CIT: variants seen among roughly 807,000 people sequenced by gnomAD.
CIT encodes the protein citron rho-interacting serine/threonine kinase, also known as citron Rho-interacting kinase.
Under a neutral mutation model 272.7 loss-of-function variants are expected in CIT, and 79 were observed. The observed-to-expected ratio is 0.29, with a 90% CI of 0.24 to 0.35. The LOEUF (loss-of-function observed/expected upper bound fraction) is 0.35. CIT is among the 10% of genes least tolerant of loss of function. The pLI, the probability that CIT is intolerant of heterozygous loss-of-function variation, is 1.00. For synonymous variants in CIT, 948 were observed against 995.6 expected, an observed-to-expected ratio of 0.95 and a Z score of 0.90; for missense variants, 1,909 against 2,618.3, an observed-to-expected ratio of 0.73 and a Z score of 5.91.
Position 119,824,038 on chromosome 12 carries a change from CAAAAA to C in CIT, c.958-1070_958-1066del, listed in dbSNP as rs33990395. Among the ~76,000 whole-genome samples the C allele has an allele frequency of 2.4e-4, 12 of 50,700 alleles. No individual in the cohort carries two copies. The South Asian group carries it at 6.1e-3, about 26-fold the overall frequency. The allele number at this position is 50,700 out of a possible 152,430, so 33.3% of individuals were successfully genotyped here. On this transcript the variant is annotated intron_variant, in intron 8 of 47. Transcript: ENST00000392521. Reference sequence around the variant, plus strand: ...TGGGTAACAGAGCAAGACTCCATCTCAAAAAAAAAAAAAAAAAAAAAATAGGCTTA... The same window carrying C: ...TGGGTAACAGAGCAAGACTCCATCTCAAAAAAAAAAAAAAAAATAGGCTTA...
intron 7 of CIT, among the ~76,000 whole-genome samples, chr12:119,829,193 C>T (rs1165458800): frequency 6.6e-6 from 1 of 152,020 alleles, no homozygotes; most frequent in Non-Finnish European, 1.5e-5. Flanking sequence ...CAAAAATTAG[C>T]CAGGCATGGT....
chr12:119,869,252 G>A (rs753845756), intron 2 of CIT, 51 bp from the exon 3 acceptor site: 1 of 1,548,572 alleles, frequency 6.5e-7, no homozygotes, highest in African/African-American at 1.4e-5. Context: ...GAAAAGCTTT[G>A]ATCAATAACA....
At chr12:119,818,986 T>G (rs944003197) in intron 9 of CIT, among the ~76,000 whole-genome samples, 3 of 151,868 alleles carry the variant, frequency 2.0e-5, no homozygotes, top group African/African-American at 7.3e-5. Flanking sequence ...CCCAAAGGCA[T>G]GAAAGAGGAG....
chr12:119,776,203 G>C lies in CIT; in HGVS notation c.1887+155C>G, dbSNP rs192727133. Among the ~76,000 whole-genome samples, 15 of 152,214 alleles carry C rather than the reference G, an allele frequency of 9.9e-5. No homozygotes were observed. The East Asian group carries it at 2.9e-3, about 29-fold the overall frequency. On this transcript the variant is annotated intron_variant, in intron 15 of 47. Coordinates refer to ENST00000392521, the MANE Select transcript of CIT (RefSeq NM_001206999.2). Reference sequence around the variant, plus strand: ...CTTTTAGAGCCATAAAGTCATATGTGGTCACCCAAAGGTGGACTATCAAAA... The same window carrying C: ...CTTTTAGAGCCATAAAGTCATATGTCGTCACCCAAAGGTGGACTATCAAAA...
chr12:119,800,693 C>T (rs12302281), intron 10 of CIT, among the ~76,000 whole-genome samples: 55,999 of 151,978 alleles, frequency 0.37, 11,453 homozygotes, highest in Admixed American at 0.51. Context: ...ATGCTGAAAA[C>T]GGTGAGAAAA....
rs148873316 is a variant in CIT, at chr12:119,863,041, A to G, written c.239-5343T>C. On this transcript the variant is annotated intron_variant, in intron 3 of 47. Coordinates refer to ENST00000392521, the MANE Select transcript of CIT (RefSeq NM_001206999.2). The stretch of plus-strand genomic sequence containing the variant: ...AGCATGGTGAAACCCTATCTCTACT[A>G]AAATACAAAAATTAGCCTGGCATGG... Among the ~76,000 whole-genome samples, 296 of 148,736 alleles carry G rather than the reference A, an allele frequency of 2.0e-3. 1 individual carries two copies. The highest frequency in any genetic ancestry group is 7.0e-3 in the African/African-American group (282 of 40,498).
In CIT at chr12:119,712,769, G is replaced by C; in HGVS notation, c.4580-74C>G. On this transcript the variant is annotated intron_variant, in intron 35 of 47. Coordinates refer to ENST00000392521, the MANE Select transcript of CIT (RefSeq NM_001206999.2). The surrounding 1 kb of genome is among the most constrained non-coding windows in gnomAD (Gnocchi z 5.2). ...AGAACAAGGGGAGAAGAGAGAGCGAGAGAGACAGCAAGGGAGAGAGAGACA... is the reference window on the plus strand; with the variant it reads ...AGAACAAGGGGAGAAGAGAGAGCGACAGAGACAGCAAGGGAGAGAGAGACA... 8.0e-7 allele frequency: 1 copy of C among 1,250,162 alleles called. No individual in the cohort carries two copies. The highest frequency in any genetic ancestry group is 1.2e-6 in the Non-Finnish European group (1 of 857,034). The allele number at this position is 1,250,162 out of a possible 1,614,324, so 77.4% of individuals were successfully genotyped here. A position where few individuals can be genotyped will look rare whatever the true frequency, so the allele number is the denominator to read the frequency against.
chr12:119,731,762 G>A (rs1958459152), intron 26 of CIT, among the ~76,000 whole-genome samples: 2 of 149,832 alleles, frequency 1.3e-5, no homozygotes, highest in South Asian at 4.2e-4. Flanking sequence ...CTCTTCTCAG[G>A]AGCAACCTCA....
intron 16 of CIT, among the ~76,000 whole-genome samples, chr12:119,773,252 C>T (rs913642111): frequency 5.3e-5 from 8 of 152,114 alleles, no homozygotes; most frequent in Middle Eastern, 6.8e-3. Flanking sequence ...ATCTTCGATT[C>T]GATGCAACGT....
At chr12:119,866,781 T>G (rs1950527504) in intron 3 of CIT, among the ~76,000 whole-genome samples, 1 of 152,132 alleles carries the variant, frequency 6.6e-6, no homozygotes, top group Non-Finnish European at 1.5e-5. Context: ...ATTGTGCTGC[T>G]GCACTCCAGC....
Position 119,784,449 on chromosome 12 carries a change from CAAG to C in CIT, c.1402-401_1402-399del. 8.3e-7 allele frequency: 1 copy of C among 1,203,466 alleles called. No homozygotes were observed. The highest frequency in any genetic ancestry group is 1.6e-5 in the African/African-American group (1 of 63,256). 74.5% of individuals were successfully genotyped at this position (1,203,466 alleles called of 1,614,324 possible). A position where few individuals can be genotyped will look rare whatever the true frequency, so the allele number is the denominator to read the frequency against. ...TCTAGAGGACAAATCCAGGACAGGGCAAGGAGATATTTATTCGTCTGCACTCTT... is the reference window on the plus strand; with the variant it reads ...TCTAGAGGACAAATCCAGGACAGGGCGAGATATTTATTCGTCTGCACTCTT... On this transcript the variant is annotated intron_variant, in intron 11 of 47. Transcript: ENST00000392521. The surrounding 1 kb of genome is among the most constrained non-coding windows in gnomAD (Gnocchi z 4.7).
In CIT at chr12:119,844,021, C is replaced by CT. The variant is rs113598683; in HGVS notation, c.516+6152dup. Among the ~76,000 whole-genome samples the CT allele has an allele frequency of 8.9e-3, 1,201 of 134,632 alleles. 5 individuals carry two copies. The highest frequency in any genetic ancestry group is 0.015 in the Middle Eastern group (4 of 264). 88.3% of individuals were successfully genotyped at this position (134,632 alleles called of 152,430 possible). A position where few individuals can be genotyped will look rare whatever the true frequency, so the allele number is the denominator to read the frequency against. ...TTAGAAAGGTAAAGTGGTACACACA[C>CT]TTTTTTTTTTTTTTTTTTGAGACAG... On this transcript the variant is annotated intron_variant, in intron 5 of 47. Coordinates refer to ENST00000392521, the MANE Select transcript of CIT (RefSeq NM_001206999.2).
intron 7 of CIT, among the ~76,000 whole-genome samples, chr12:119,828,632 G>C (rs1566098629): frequency 6.6e-6 from 1 of 151,452 alleles, no homozygotes; most frequent in Non-Finnish European, 1.5e-5. Context: ...GCGCGATCTT[G>C]GCTCACTGCA....
chr12:119,710,121 A>T lies in CIT; in HGVS notation c.5071+130T>A. 9.9e-7 allele frequency: 1 copy of T among 1,008,580 alleles called. No homozygotes were observed. Among genetic ancestry groups the T allele is most frequent in the Non-Finnish European group, 1.5e-6 (1 of 677,370 alleles). The allele number at this position is 1,008,580 out of a possible 1,614,324, so 62.5% of individuals were successfully genotyped here. On this transcript the variant is annotated intron_variant, in intron 39 of 47. Transcript: ENST00000392521. The surrounding 1 kb of genome is among the most constrained non-coding windows in gnomAD (Gnocchi z 5.6). ...TCCATTAGCTGAGGCTTGGGCATCT[A>T]TGGGGACACAGAGATAAGAGCTACA...
Position 119,712,530 on chromosome 12 carries a change from C to A in CIT, c.4684+61G>T. On this transcript the variant is annotated intron_variant, in intron 36 of 47. Coordinates refer to ENST00000392521, the MANE Select transcript of CIT (RefSeq NM_001206999.2). The surrounding 1 kb of genome is among the most constrained non-coding windows in gnomAD (Gnocchi z 5.2). ...ATCTTCCCTGTACCACCCCTTCTGT[C>A]CCTGCTGATTGGCCAAGCCCGGCCC... 1 of 1,508,142 alleles carries A rather than the reference C, an allele frequency of 6.6e-7. No homozygotes were observed. Among genetic ancestry groups the A allele is most frequent in the Non-Finnish European group, 9.2e-7 (1 of 1,085,660 alleles). 93.4% of individuals were successfully genotyped at this position (1,508,142 alleles called of 1,614,324 possible).
intron 9 of CIT, among the ~76,000 whole-genome samples, chr12:119,821,873 G>A (rs866257434): frequency 3.9e-5 from 6 of 152,294 alleles, no homozygotes; most frequent in Middle Eastern, 6.8e-3. Flanking sequence ...TTATGGAAAT[G>A]CGACCTACTT....
intron 10 of CIT, among the ~76,000 whole-genome samples, chr12:119,795,610 T>C (rs1965668747): frequency 6.6e-6 from 1 of 152,154 alleles, no homozygotes; most frequent in Non-Finnish European, 1.5e-5. Context: ...CCTTTACTAT[T>C]AGACAAGTCC....
At chr12:119,848,340 A>G (rs749430641) in intron 5 of CIT, among the ~76,000 whole-genome samples, 1 of 152,210 alleles carries the variant, frequency 6.6e-6, no homozygotes, top group Non-Finnish European at 1.5e-5. Context: ...ACGGGCCAGT[A>G]GAAGTTTAAG....
At chr12:119,758,109 C>T (rs1961268513) in intron 21 of CIT, among the ~76,000 whole-genome samples, 1 of 152,088 alleles carries the variant, frequency 6.6e-6, no homozygotes, top group African/African-American at 2.4e-5. Context: ...AAGAGAGAAA[C>T]CTAAGGGGGA....
Sources: gnomAD v4.1 joint callset for allele counts (sites outside exome capture counted in the v4.1 genomes callset) on GRCh38, gnomAD v4.1.1 for gene constraint, Gnocchi (gnomAD v3.1) non-coding constraint, MANE v1.5 for transcripts, NCBI Gene and HGNC (gene_info 2026-07-23, HGNC 2026-07-21) for gene names.